The following SEL1L2 variants were observed in gnomAD, a reference collection of about 807,000 sequenced individuals.
The protein encoded by SEL1L2 is SEL1L2 adaptor subunit of SYVN1 ubiquitin ligase, also known as protein sel-1 homolog 2.
A neutral mutation model predicts 98.8 loss-of-function variants in SEL1L2; 89 were observed. The ratio of observed to expected loss-of-function variants is 0.90; its 90% confidence interval spans 0.76 to 1.07. The LOEUF is 1.07. Ranked by LOEUF, SEL1L2 falls within the 50% of genes least tolerant of loss-of-function variation. SEL1L2 has a pLI of 0.00. For synonymous variants in SEL1L2, 262 were observed against 278.5 expected, an observed-to-expected ratio of 0.94 and a Z score of 0.59; for missense variants, 788 against 812.0, an observed-to-expected ratio of 0.97 and a Z score of 0.36.
At chr20:13,937,153 TA>T (rs1430372095) in intron 2 of SEL1L2, among the ~76,000 whole-genome samples, 4 of 152,230 alleles carry the variant, frequency 2.6e-5, no homozygotes. Flanking sequence ...AAGGCCAAAC[TA>T]AGGATCTTTT....
At chr20:13,923,550 C>G (rs2048751121) in intron 3 of SEL1L2, among the ~76,000 whole-genome samples, 1 of 152,128 alleles carries the variant, frequency 6.6e-6, no homozygotes, top group Non-Finnish European at 1.5e-5. Context: ...GGGTGAATCA[C>G]TTGAACCAGC....
chr20:13,980,681 C>T (rs918823134), intron 1 of SEL1L2, among the ~76,000 whole-genome samples: 6 of 152,134 alleles, frequency 3.9e-5, no homozygotes, highest in East Asian at 1.9e-4. Context: ...AAGATGTCTG[C>T]GCTCCCATAT....
chr20:13,905,305 A>G (rs1281157295), intron 5 of SEL1L2, among the ~76,000 whole-genome samples: 2 of 149,950 alleles, frequency 1.3e-5, no homozygotes, highest in Non-Finnish European at 3.0e-5. Flanking sequence ...GCACTGTCCT[A>G]TAACTTTTTT....
At chr20:13,901,721 G>A (rs1460901359) in intron 5 of SEL1L2, among the ~76,000 whole-genome samples, 1 of 150,854 alleles carries the variant, frequency 6.6e-6, no homozygotes, top group African/African-American at 2.4e-5. Context: ...GAGTGCATTG[G>A]CACGATCTCA....
intron 10 of SEL1L2, among the ~76,000 whole-genome samples, chr20:13,878,343 G>A (rs545244383): frequency 2.5e-4 from 37 of 147,104 alleles, no homozygotes; most frequent in Admixed American, 1.2e-3. Flanking sequence ...TCACTCTGTC[G>A]CCCAGGCTGG....
upstream of SEL1L2, among the ~76,000 whole-genome samples, chr20:13,992,913 T>C (rs1368276213): frequency 6.6e-6 from 1 of 152,196 alleles, no homozygotes; most frequent in Non-Finnish European, 1.5e-5. Flanking sequence ...CTCACCCTTA[T>C]GACCTCATTT....
chr20:13,882,561 C>T (rs571099201), intron 10 of SEL1L2, among the ~76,000 whole-genome samples: 2 of 152,274 alleles, frequency 1.3e-5, no homozygotes, highest in African/African-American at 4.8e-5. Flanking sequence ...GTCATTCTCG[C>T]AGTCACAGAT....
Position 13,849,463 on chromosome 20 carries a change from A to G in SEL1L2, c.*22T>C. 2 of 1,612,580 alleles carry G rather than the reference A, an allele frequency of 1.2e-6. No individual in the cohort carries two copies. The highest frequency in any genetic ancestry group is 1.7e-6 in the Non-Finnish European group (2 of 1,179,174). On this transcript the variant is annotated 3_prime_UTR_variant, in exon 20 of 20. Transcript: ENST00000284951. ...TTGGAGTGAACTGATTCCCGTGAGC[A>G]GGTTTTCCTGTGATCCGCATCCTAC...
intron 1 of SEL1L2, among the ~76,000 whole-genome samples, chr20:13,967,280 GA>G (rs2051091172): frequency 6.6e-6 from 1 of 152,310 alleles, no homozygotes; most frequent in Admixed American, 6.5e-5. Context: ...AGCCATGGAA[GA>G]AGCAGCTCCT....
At position 13,915,042 on chromosome 20, in the gene SEL1L2, A is replaced by C. The variant is rs1286998016; in HGVS notation, c.387-1098T>G. The C allele has an allele frequency of 7.6e-6, 9 of 1,180,096 alleles. No individual in the cohort carries two copies. In the Admixed American group the frequency reaches 2.6e-4, roughly 34 times the overall value. The allele number at this position is 1,180,096 out of a possible 1,614,324, so 73.1% of individuals were successfully genotyped here. A position where few individuals can be genotyped will look rare whatever the true frequency, so the allele number is the denominator to read the frequency against. On this transcript the variant is annotated intron_variant, in intron 4 of 19. Transcript: ENST00000284951. ...CAGAAAGCGTTAACTTCTACCTGTG[A>C]CCTTGACTCAAATACAGGGAAAAAA...
chr20:13,871,702 G>C (rs971825427), intron 12 of SEL1L2, among the ~76,000 whole-genome samples: 2 of 152,026 alleles, frequency 1.3e-5, no homozygotes, highest in South Asian at 2.1e-4. Context: ...AATAGAGATG[G>C]GGTTTCATCA....
chr20:13,961,552 A>G (rs1330722046), intron 1 of SEL1L2, among the ~76,000 whole-genome samples: 7 of 152,338 alleles, frequency 4.6e-5, no homozygotes, highest in Admixed American at 4.6e-4. Context: ...GTTGAACAAA[A>G]GCCACTAGCT....
At chr20:13,944,236 A>C (rs2049911170) in intron 2 of SEL1L2, among the ~76,000 whole-genome samples, 1 of 152,204 alleles carries the variant, frequency 6.6e-6, no homozygotes. Context: ...GAGAAACAGC[A>C]AATGCCAATC....
At chr20:13,910,098 T>G (rs910600506) in intron 5 of SEL1L2, among the ~76,000 whole-genome samples, 3 of 152,218 alleles carry the variant, frequency 2.0e-5, no homozygotes, top group Non-Finnish European at 4.4e-5. Context: ...TTCTGTCTTC[T>G]GTTTCTCCTT....
chr20:13,859,582 C>T, intron 17 of SEL1L2, 148 bp from the exon 18 acceptor site: 1 of 634,554 alleles, frequency 1.6e-6, no homozygotes, highest in Non-Finnish European at 2.7e-6. Flanking sequence ...ACACTCAGAA[C>T]CCCAGAACTG....
chr20:13,913,030 T>C (rs2048267837), intron 5 of SEL1L2, among the ~76,000 whole-genome samples: 2 of 151,916 alleles, frequency 1.3e-5, no homozygotes, highest in Admixed American at 1.3e-4. Flanking sequence ...AATGAAAGAG[T>C]GGATTCAAAC....
intron 1 of SEL1L2, among the ~76,000 whole-genome samples, chr20:13,966,627 G>A (rs555605150): frequency 1.1e-4 from 16 of 151,868 alleles, no homozygotes; most frequent in African/African-American, 3.4e-4. Flanking sequence ...GCCACCAAAT[G>A]ATGCTTAGAA....
At chr20:13,954,008 T>C (rs2050397933) in intron 2 of SEL1L2, among the ~76,000 whole-genome samples, 2 of 152,180 alleles carry the variant, frequency 1.3e-5, no homozygotes, top group African/African-American at 4.8e-5. Context: ...CTGAAAAAAT[T>C]AGATCCTTAA....
At chr20:13,901,016 C>T (rs1162313224) in intron 5 of SEL1L2, among the ~76,000 whole-genome samples, 2 of 151,524 alleles carry the variant, frequency 1.3e-5, no homozygotes, top group African/African-American at 4.8e-5. Context: ...TTTTGTCCTA[C>T]CTTTATTTTG....
Sources: allele counts gnomAD v4.1 joint callset (sites outside exome capture counted in the v4.1 genomes callset), GRCh38; gene constraint gnomAD v4.1.1; transcripts MANE v1.5; gene names NCBI Gene and HGNC (gene_info 2026-07-23, HGNC 2026-07-21).